Variants in RELCH observed in about 807,000 individuals in gnomAD.
RELCH encodes RAB11-binding protein RELCH.
A neutral mutation model predicts 150.3 loss-of-function variants in RELCH; 41 were observed. That is an observed-to-expected ratio of 0.27 (90% CI 0.21 to 0.35). The LOEUF is 0.35. Among genes scored for constraint, RELCH ranks in the 10% least tolerant of loss-of-function variants. The probability of loss-of-function intolerance (pLI) is 1.00; values close to 1 mark genes in which losing one functional copy is unlikely to be tolerated. For synonymous variants in RELCH, 478 were observed against 531.8 expected (o/e 0.90, Z 1.39); for missense variants, 1,092 against 1,467.8 (o/e 0.74, Z 4.18).
chr18:62,198,845 TTAA>T (rs1188151884), intron 1 of RELCH, among the ~76,000 whole-genome samples: 1 of 152,074 alleles, frequency 6.6e-6, no homozygotes, highest in Non-Finnish European at 1.5e-5. Context: ...TAGGAATTTT[TTAA>T]TTTCTTCTCT....
At chr18:62,199,362 T>C (rs529510903) in intron 1 of RELCH, among the ~76,000 whole-genome samples, 6 of 152,178 alleles carry the variant, frequency 3.9e-5, no homozygotes, top group Non-Finnish European at 8.8e-5. Flanking sequence ...TGTGTAGATG[T>C]TTTAGCTGAC....
chr18:62,216,071 A>G (rs1184602779), intron 2 of RELCH, among the ~76,000 whole-genome samples: 1 of 152,122 alleles, frequency 6.6e-6, no homozygotes, highest in African/African-American at 2.4e-5. Context: ...AAACAAAACT[A>G]CTGTACTTAG....
chr18:62,283,697 T>C (rs930406417), intron 25 of RELCH, among the ~76,000 whole-genome samples: 1 of 152,184 alleles, frequency 6.6e-6, no homozygotes, highest in Non-Finnish European at 1.5e-5. Flanking sequence ...AAAGTTGATA[T>C]TTTAGTTAGC....
In RELCH at chr18:62,258,681, G is replaced by C. The variant is rs2043106421; in HGVS notation, c.2202+5G>C. 6.4e-7 allele frequency: 1 copy of C among 1,569,058 alleles called. No homozygotes were observed. The highest frequency in any genetic ancestry group is 8.6e-7 in the Non-Finnish European group (1 of 1,161,282). ...AAGATTGAAAAACTTCTCAGGGTAA[G>C]TTCTTCTTTTGTTTATATAGTTTGT... On this transcript the variant is annotated splice_donor_5th_base_variant and intron_variant, in intron 15 of 28. Transcript: ENST00000644646.
intron 10 of RELCH, among the ~76,000 whole-genome samples, chr18:62,241,226 A>G (rs752953202): frequency 3.2e-4 from 49 of 152,028 alleles, no homozygotes; most frequent in Admixed American, 2.6e-3. Context: ...TGTCTAATAA[A>G]TCTGCCTTTC....
chr18:62,280,776 G>C (rs1362091978), intron 24 of RELCH, 67 bp downstream of exon 24: 4 of 1,085,860 alleles, frequency 3.7e-6, no homozygotes, highest in African/African-American at 1.5e-5. Context: ...TGTATCTGGT[G>C]GTAGGCTGCA....
At chr18:62,243,775 A>G (rs2042265142) in intron 10 of RELCH, among the ~76,000 whole-genome samples, 1 of 152,104 alleles carries the variant, frequency 6.6e-6, no homozygotes, top group African/African-American at 2.4e-5. Flanking sequence ...ATAGACAGTA[A>G]TAATCATGCA....
At chr18:62,229,245 G>A (rs2041402984) in intron 8 of RELCH, among the ~76,000 whole-genome samples, 1 of 151,936 alleles carries the variant, frequency 6.6e-6, no homozygotes, top group Non-Finnish European at 1.5e-5. Context: ...AATCCTCAAT[G>A]CTTTATGTAT....
At chr18:62,207,690 A>G (rs1350911372) in intron 1 of RELCH, among the ~76,000 whole-genome samples, 7 of 152,178 alleles carry the variant, frequency 4.6e-5, no homozygotes, top group Admixed American at 2.6e-4. Flanking sequence ...TTCATATACC[A>G]TCAATTCACC....
intron 2 of RELCH, among the ~76,000 whole-genome samples, chr18:62,213,217 GTGT>G (rs748469668): frequency 6.6e-6 from 1 of 151,840 alleles, no homozygotes; most frequent in Non-Finnish European, 1.5e-5. Flanking sequence ...ACTATATCTA[GTGT>G]TGTATAGTTT....
intron 20 of RELCH, among the ~76,000 whole-genome samples, chr18:62,273,626 G>C (rs2044029990): frequency 6.6e-6 from 1 of 152,120 alleles, no homozygotes; most frequent in Non-Finnish European, 1.5e-5. Context: ...TGTCCAATCA[G>C]CTAGGCACTT....
At chr18:62,250,252 T>C (rs961384890) in intron 11 of RELCH, among the ~76,000 whole-genome samples, 2 of 152,244 alleles carry the variant, frequency 1.3e-5, no homozygotes, top group African/African-American at 4.8e-5. Context: ...CTAATGTTTT[T>C]TCCTATTAAA....
intron 11 of RELCH, 21 bp downstream of exon 11, chr18:62,244,897 G>A (rs372706253): frequency 1.4e-5 from 21 of 1,448,504 alleles, no homozygotes; most frequent in Non-Finnish European, 2.0e-5. Flanking sequence ...TTACATATGT[G>A]AAAAAGAAAT....
At chr18:62,290,720 C>T (rs902934382) in intron 26 of RELCH, among the ~76,000 whole-genome samples, 76 of 152,112 alleles carry the variant, frequency 5.0e-4, no homozygotes, top group Non-Finnish European at 8.7e-4. Flanking sequence ...AACTAAAACT[C>T]AAAGATGACT....
chr18:62,201,850 G>A (rs893370094), intron 1 of RELCH, among the ~76,000 whole-genome samples: 11 of 152,112 alleles, frequency 7.2e-5, no homozygotes, highest in African/African-American at 2.2e-4. Flanking sequence ...CAGCTGGTCC[G>A]TTTTTCTGAT....
Position 62,266,762 on chromosome 18 carries a change from A to C in RELCH, c.2680+13A>C, listed in dbSNP as rs2043586116. On this transcript the variant is annotated intron_variant, in intron 19 of 28. Coordinates refer to ENST00000644646, the MANE Select transcript of RELCH (RefSeq NM_001346231.2). ...GAAGAAAACATTGGTGAGTTTGTTCATTATTACTTTTAAAAACAATTGCAT... is the reference window on the plus strand; with the variant it reads ...GAAGAAAACATTGGTGAGTTTGTTCCTTATTACTTTTAAAAACAATTGCAT... The C allele has an allele frequency of 6.6e-7, 1 of 1,523,130 alleles. No homozygotes were observed. Among genetic ancestry groups the C allele is most frequent in the Admixed American group, 1.7e-5 (1 of 58,222 alleles). 94.4% of individuals were successfully genotyped at this position (1,523,130 alleles called of 1,614,324 possible).
intron 26 of RELCH, among the ~76,000 whole-genome samples, chr18:62,291,311 G>T (rs1196577348): frequency 6.6e-6 from 1 of 152,146 alleles, no homozygotes; most frequent in African/African-American, 2.4e-5. Context: ...TAATTTAAAT[G>T]ATGAATACCA....
chr18:62,293,328 G>A (rs1164114119), intron 27 of RELCH, among the ~76,000 whole-genome samples: 1 of 152,152 alleles, frequency 6.6e-6, no homozygotes, highest in Non-Finnish European at 1.5e-5. Flanking sequence ...ATGTAGGAGA[G>A]ACCATAAGGC....
At chr18:62,266,081 C>T (rs1239261274) in intron 18 of RELCH, among the ~76,000 whole-genome samples, 1 of 151,378 alleles carries the variant, frequency 6.6e-6, no homozygotes, top group East Asian at 1.9e-4. Context: ...TACTTATGTA[C>T]TTAACAGTAA....
Sources: allele counts gnomAD v4.1 joint callset (sites outside exome capture counted in the v4.1 genomes callset), GRCh38; gene constraint gnomAD v4.1.1; transcripts MANE v1.5; gene names NCBI Gene and HGNC (gene_info 2026-07-23, HGNC 2026-07-21).